The following DCAF6 variants were observed in gnomAD, a reference collection of about 807,000 sequenced individuals.
DCAF6 encodes DDB1- and CUL4-associated factor 6.
In DCAF6, 54 loss-of-function variants were observed where a neutral mutation model predicts 125.1. That is an observed-to-expected ratio of 0.43 (90% confidence interval 0.35 to 0.54). The LOEUF is 0.54. DCAF6 is among the 20% of genes least tolerant of loss of function. DCAF6 has a pLI of 0.01. For missense variants in DCAF6, 934 were observed against 1,161.7 expected, an observed-to-expected ratio of 0.80 and a Z score of 2.85; for synonymous variants, 371 against 390.4, an observed-to-expected ratio of 0.95 and a Z score of 0.58.
In DCAF6 at chr1:167,942,117, G is replaced by A. The variant is rs112893768; in HGVS notation, c.97+5109G>A. On this transcript the variant is annotated intron_variant, in intron 1 of 21. Coordinates refer to ENST00000367840, the MANE Select transcript of DCAF6 (RefSeq NM_001198956.2). ...TTTCGCTCTTGTCGCCCAGGCTGGA[G>A]TGCAATGGCATGATCTTGGCTTACC... 2.9e-3 allele frequency among the ~76,000 whole-genome samples: 447 copies of A among 152,304 alleles called. 1 individual carries two copies. Among genetic ancestry groups the A allele is most frequent in the African/African-American group, 0.01 (425 of 41,566 alleles).
In DCAF6 at chr1:168,003,860, A is replaced by G. The variant is rs1469866859; in HGVS notation, c.998-10A>G. On this transcript the variant is annotated splice_polypyrimidine_tract_variant and intron_variant, in intron 8 of 21. Coordinates refer to ENST00000367840, the MANE Select transcript of DCAF6 (RefSeq NM_001198956.2). ...TACTAAACTCACTGATAAGACCTAT[A>G]TTGTAATAGGAGAGCAGAGTCCCAA... 2 of 1,606,844 alleles carry G rather than the reference A, an allele frequency of 1.2e-6. No individual in the cohort carries two copies. Among genetic ancestry groups the G allele is most frequent in the East Asian group, 2.2e-5 (1 of 44,782 alleles).
chr1:167,969,625 A>G (rs956774903), intron 3 of DCAF6, among the ~76,000 whole-genome samples: 4 of 152,238 alleles, frequency 2.6e-5, no homozygotes, highest in African/African-American at 9.6e-5. Flanking sequence ...ATCAGCTGAA[A>G]AAGAAGTTCA....
chr1:167,939,874 C>T (rs2102615186), intron 1 of DCAF6, among the ~76,000 whole-genome samples: 1 of 152,212 alleles, frequency 6.6e-6, no homozygotes, highest in East Asian at 1.9e-4. Flanking sequence ...TTTTAAAAGA[C>T]TTCAATATTT....
chr1:167,980,974 G>A (rs928115389), intron 4 of DCAF6, among the ~76,000 whole-genome samples: 10 of 135,764 alleles, frequency 7.4e-5, no homozygotes, highest in Admixed American at 3.4e-4. Context: ...TGGTACAATC[G>A]TGGCTCACTG....
At chr1:168,009,413 CTTT>C (rs796585053) in intron 10 of DCAF6, among the ~76,000 whole-genome samples, 2 of 114,346 alleles carry the variant, frequency 1.7e-5, no homozygotes, top group Non-Finnish European at 3.6e-5. Flanking sequence ...CTCTCTCTCT[CTTT>C]TGTTTCTTTC....
the DCAF6 span, among the ~76,000 whole-genome samples, chr1:167,874,795 A>G: frequency 2.0e-5 from 3 of 152,210 alleles, no homozygotes; most frequent in African/African-American, 7.2e-5. Context: ...CATAGAATAA[A>G]TTACAGCTAC....
chr1:167,950,526 T>A (rs1321231254), intron 1 of DCAF6, among the ~76,000 whole-genome samples: 1 of 152,190 alleles, frequency 6.6e-6, no homozygotes, highest in Non-Finnish European at 1.5e-5. Context: ...GTTCATCCTT[T>A]ACCTAGCCAT....
the DCAF6 span, among the ~76,000 whole-genome samples, chr1:167,872,493 C>A: frequency 2.6e-5 from 4 of 151,958 alleles, no homozygotes; most frequent in South Asian, 8.3e-4. Flanking sequence ...GTCTCCTTAA[C>A]TTGAAATGCA....
chr1:167,905,104 T>C, the DCAF6 span: 45 of 1,614,118 alleles, frequency 2.8e-5, no homozygotes, highest in Non-Finnish European at 3.7e-5. Context: ...ATTCTGACTA[T>C]GGGCCAGTCC....
In DCAF6 at chr1:168,055,337, T is replaced by TTG. The variant is rs1553249383; in HGVS notation, c.2300+4405_2300+4406insGT. On this transcript the variant is annotated intron_variant, in intron 17 of 21. Coordinates refer to ENST00000367840, the MANE Select transcript of DCAF6 (RefSeq NM_001198956.2). ...TGAAAAAAATCAGGCTTAAGTTTTT[T>TTG]TTTTTTTTTTTTTTTTTTTTTTTAA... Among the ~76,000 whole-genome samples the TTG allele has an allele frequency of 3.1e-4, 2 of 6,450 alleles. 1 individual carries two copies. Among genetic ancestry groups the TTG allele is most frequent in the Non-Finnish European group, 5.1e-4 (2 of 3,950 alleles). The allele number at this position is 6,450 out of a possible 152,430, so 4.2% of individuals were successfully genotyped here. A position where few individuals can be genotyped will look rare whatever the true frequency, so the allele number is the denominator to read the frequency against.
intron 4 of DCAF6, among the ~76,000 whole-genome samples, chr1:167,980,349 T>G (rs561869888): frequency 6.6e-6 from 1 of 152,342 alleles, no homozygotes; most frequent in South Asian, 2.1e-4. Context: ...AAGTAGAGAT[T>G]GCTGGATCAT....
chr1:168,003,150 G>A (rs1211253965), intron 8 of DCAF6, among the ~76,000 whole-genome samples: 3 of 152,026 alleles, frequency 2.0e-5, no homozygotes, highest in Non-Finnish European at 4.4e-5. Flanking sequence ...CAATATATGA[G>A]CTACATTATA....
the DCAF6 span, chr1:167,920,746 T>C: frequency 1.0e-6 from 1 of 999,198 alleles, no homozygotes; most frequent in East Asian, 2.8e-5. Context: ...GCTATAATTT[T>C]AGTGTCCATT....
chr1:167,900,780 C>T, the DCAF6 span, among the ~76,000 whole-genome samples: 2 of 152,186 alleles, frequency 1.3e-5, no homozygotes, highest in Non-Finnish European at 2.9e-5. Context: ...GATCCACCCA[C>T]CTTGGCCTCC....
At chr1:168,023,211 T>A in intron 12 of DCAF6, 164 bp downstream of exon 12, 1 of 717,368 alleles carries the variant, frequency 1.4e-6, no homozygotes, top group Non-Finnish European at 2.4e-6. Context: ...ATAAAAGGTC[T>A]TTTTGGCCTA....
At chr1:168,051,366 G>A (rs1016425854) in intron 17 of DCAF6, among the ~76,000 whole-genome samples, 6 of 152,154 alleles carry the variant, frequency 3.9e-5, no homozygotes, top group African/African-American at 1.4e-4. Flanking sequence ...CTAAATCTGT[G>A]TATAGGTTTC....
chr1:168,001,409 ATAT>A (rs1682598565), intron 7 of DCAF6, among the ~76,000 whole-genome samples: 2 of 152,192 alleles, frequency 1.3e-5, no homozygotes, highest in Admixed American at 1.3e-4. Context: ...ATTATTGATC[ATAT>A]TATTGAACAC....
intron 2 of DCAF6, among the ~76,000 whole-genome samples, chr1:167,965,210 G>A (rs552260380): frequency 1.3e-5 from 2 of 152,308 alleles, no homozygotes; most frequent in Admixed American, 6.5e-5. Context: ...CCTATGATTA[G>A]GTGTCTGTCA....
At chr1:167,934,084 G>A (rs989824390), upstream of DCAF6, among the ~76,000 whole-genome samples, 1 of 152,148 alleles carries the variant, frequency 6.6e-6, no homozygotes, top group African/African-American at 2.4e-5. Flanking sequence ...GAAAAAGGGG[G>A]TTAAAATAAC....
Sources: allele counts gnomAD v4.1 joint callset (sites outside exome capture counted in the v4.1 genomes callset), GRCh38; gene constraint gnomAD v4.1.1; transcripts MANE v1.5; gene names NCBI Gene and HGNC (gene_info 2026-07-23, HGNC 2026-07-21).